The following GNG7 variants were observed in gnomAD, a reference collection of about 807,000 sequenced individuals.
The protein encoded by GNG7 is G protein subunit gamma 7, also known as guanine nucleotide-binding protein G(I)/G(S)/G(O) subunit gamma-7.
GNG7 carries 1 observed loss-of-function variant against 4.0 expected under a neutral mutation model. The observed-to-expected ratio is 0.25, with a 90% CI of 0.09 to 1.18. The LOEUF (loss-of-function observed/expected upper bound fraction) is 1.18, where lower values mean the gene tolerates loss of function less well. Among genes scored for constraint, GNG7 ranks in the 50% most tolerant of loss-of-function variants. The pLI is 0.50. For missense variants in GNG7, 86 were observed against 91.9 expected, an observed-to-expected ratio of 0.94 and a Z score of 0.26; for synonymous variants, 34 against 36.9, an observed-to-expected ratio of 0.92 and a Z score of 0.29.
At position 2,686,944 on chromosome 19, in the gene GNG7, G is replaced by A. The variant is rs552373413; in HGVS notation, c.-135+15702C>T. Among the ~76,000 whole-genome samples, 5 of 151,840 alleles carry A rather than the reference G, an allele frequency of 3.3e-5. No individual in the cohort carries two copies. In the East Asian group the frequency reaches 7.8e-4, roughly 24 times the overall value. ...CTTTTTGTATTTTTTAGTAGAGACG[G>A]GGTTTCACCGTGTTAGCCAGGATGG... On this transcript the variant is annotated intron_variant, in intron 1 of 4. Coordinates refer to ENST00000382159, the MANE Select transcript of GNG7 (RefSeq NM_052847.3).
intron 1 of GNG7, among the ~76,000 whole-genome samples, chr19:2,659,610 A>AAAAAAAAAAAAAAAAG (rs5826778): frequency 3.3e-5 from 4 of 121,448 alleles, no homozygotes; most frequent in African/African-American, 1.3e-4. Flanking sequence ...AAAAAAAAAA[A>AAAAAAAAAAAAAAAAG]AGAGAGGAGG....
intron 3 of GNG7, among the ~76,000 whole-genome samples, chr19:2,522,676 C>T (rs1202167223): frequency 3.6e-5 from 5 of 139,706 alleles, no homozygotes; most frequent in South Asian, 2.4e-4. Flanking sequence ...GGGGTGAACC[C>T]GGAAGGCGGA....
chr19:2,607,272 C>T (rs901952553), intron 2 of GNG7, among the ~76,000 whole-genome samples: 1 of 149,546 alleles, frequency 6.7e-6, no homozygotes, highest in Admixed American at 6.7e-5. Flanking sequence ...AATCCCAGCA[C>T]TTTGGGAGGT....
chr19:2,680,858 G>A (rs927677994), intron 1 of GNG7, among the ~76,000 whole-genome samples: 4 of 152,084 alleles, frequency 2.6e-5, no homozygotes, highest in African/African-American at 9.7e-5. Flanking sequence ...AGGCTGGAGT[G>A]CGGTGGTGTG....
At chr19:2,547,786 G>T (rs140595146) in intron 3 of GNG7, among the ~76,000 whole-genome samples, 120 of 152,334 alleles carry the variant, frequency 7.9e-4, no homozygotes, top group African/African-American at 2.6e-3. Flanking sequence ...TCCCAGGGCC[G>T]ATCTCCTTCC....
At chr19:2,701,990 C>T (rs554319094) in intron 1 of GNG7, among the ~76,000 whole-genome samples, 1 of 149,522 alleles carries the variant, frequency 6.7e-6, no homozygotes, top group African/African-American at 2.5e-5. Flanking sequence ...CTAGCCCCCT[C>T]CCCAGCAAAC....
At chr19:2,636,296 A>C (rs1364209377) in intron 2 of GNG7, among the ~76,000 whole-genome samples, 1 of 152,132 alleles carries the variant, frequency 6.6e-6, no homozygotes, top group East Asian at 1.9e-4. Context: ...TCTCTAACTC[A>C]CAGGCGAGGA....
rs527607605 is a variant in GNG7, at chr19:2,673,359, C to T, written c.-134-27079G>A. ...GTCCCAGCAGAGTGTAAGGAGATGT[C>T]GGGAGTCAATGGCATGTGGGTTCCT... On this transcript the variant is annotated intron_variant, in intron 1 of 4. Transcript: ENST00000382159. Among the ~76,000 whole-genome samples, 48 of 151,016 alleles carry T rather than the reference C, an allele frequency of 3.2e-4. No individual in the cohort carries two copies. The Middle Eastern group carries it at 0.014, about 44-fold the overall frequency.
intron 3 of GNG7, among the ~76,000 whole-genome samples, chr19:2,529,580 A>AG (rs1413906759): frequency 2.6e-5 from 4 of 152,178 alleles, no homozygotes; most frequent in Non-Finnish European, 5.9e-5. Flanking sequence ...TCTGAGCCAT[A>AG]GGGTAAAGGT....
intron 2 of GNG7, among the ~76,000 whole-genome samples, chr19:2,582,303 G>A (rs529739910): frequency 6.6e-6 from 1 of 152,212 alleles, no homozygotes; most frequent in East Asian, 1.9e-4. Context: ...GGAACACTCT[G>A]TACTATTTTT....
chr19:2,515,968 A>G (rs907898706), intron 4 of GNG7, among the ~76,000 whole-genome samples: 1 of 151,666 alleles, frequency 6.6e-6, no homozygotes, highest in Admixed American at 6.6e-5. Flanking sequence ...TAATCCCAAC[A>G]TGTTGGGAGG....
intron 2 of GNG7, among the ~76,000 whole-genome samples, chr19:2,582,926 C>A (rs1160282497): frequency 6.6e-6 from 1 of 152,058 alleles, no homozygotes; most frequent in Non-Finnish European, 1.5e-5. Context: ...ACCTCAGCCT[C>A]CCAAAGTGCT....
chr19:2,606,662 A>AAT (rs1555697368), intron 2 of GNG7, among the ~76,000 whole-genome samples: 12 of 93,466 alleles, frequency 1.3e-4, no homozygotes, highest in Non-Finnish European at 2.2e-4. Flanking sequence ...TCTCAAAAAA[A>AAT]AATAATTAAT....
Position 2,641,776 on chromosome 19 carries a change from C to T in GNG7, c.-78+4448G>A, listed in dbSNP as rs150455915. On this transcript the variant is annotated intron_variant, in intron 2 of 4. Coordinates refer to ENST00000382159, the MANE Select transcript of GNG7 (RefSeq NM_052847.3). Reference sequence around the variant, plus strand: ...TCCCGGGCTCAAGCGATTTTCCTGCCTCAGCCTCCTGAGTGGCTGGGACTA... The same window carrying T: ...TCCCGGGCTCAAGCGATTTTCCTGCTTCAGCCTCCTGAGTGGCTGGGACTA... 6.7e-3 allele frequency: 1,027 copies of T among 152,204 alleles called. 4 individuals carry two copies. Among genetic ancestry groups the T allele is most frequent in the Non-Finnish European group, 0.011 (766 of 68,050 alleles). 9.4% of individuals were successfully genotyped at this position (152,204 alleles called of 1,614,324 possible).
intron 2 of GNG7, among the ~76,000 whole-genome samples, chr19:2,636,063 GC>G (rs1368500549): frequency 6.6e-6 from 1 of 152,182 alleles, no homozygotes; most frequent in Non-Finnish European, 1.5e-5. Flanking sequence ...GTCTACAGGA[GC>G]CAGGGGGAGA....
intron 3 of GNG7, among the ~76,000 whole-genome samples, chr19:2,524,992 G>T (rs571932411): frequency 1.3e-4 from 20 of 152,056 alleles, no homozygotes; most frequent in African/African-American, 4.8e-4. Context: ...CCATGCAGTC[G>T]CCTCCCTAAG....
At chr19:2,525,144 G>A (rs942621852) in intron 3 of GNG7, among the ~76,000 whole-genome samples, 2 of 152,176 alleles carry the variant, frequency 1.3e-5, no homozygotes, top group African/African-American at 2.4e-5. Flanking sequence ...CTGCAGAGGC[G>A]CACGGGTGCC....
intron 3 of GNG7, among the ~76,000 whole-genome samples, chr19:2,522,624 T>C (rs71339115): frequency 0.32 from 47,488 of 150,016 alleles, 7,477 homozygotes; most frequent in South Asian, 0.39. Context: ...TGGTGGCGGG[T>C]GCCTGTAGTC....
intron 1 of GNG7, among the ~76,000 whole-genome samples, chr19:2,689,108 G>A (rs919133757): frequency 1.3e-5 from 2 of 150,766 alleles, no homozygotes; most frequent in Non-Finnish European, 2.9e-5. Context: ...ACTTTTAATG[G>A]CAAAGACCAC....
Sources: gnomAD v4.1 joint callset for allele counts (sites outside exome capture counted in the v4.1 genomes callset) on GRCh38, gnomAD v4.1.1 for gene constraint, MANE v1.5 for transcripts, NCBI Gene and HGNC (gene_info 2026-07-23, HGNC 2026-07-21) for gene names.